PTPRK: variants seen among roughly 807,000 people sequenced by gnomAD.
PTPRK encodes receptor-type tyrosine-protein phosphatase kappa.
In PTPRK, 75 loss-of-function variants were observed where a neutral mutation model predicts 178.0. That is an observed-to-expected ratio of 0.42 (90% CI 0.35 to 0.51). The LOEUF (loss-of-function observed/expected upper bound fraction) is 0.51, where lower values mean the gene tolerates loss of function less well. PTPRK is among the 20% of genes least tolerant of loss of function. The pLI is 0.02. For missense variants in PTPRK, 1,441 were observed against 1,797.8 expected, an observed-to-expected ratio of 0.80 and a Z score of 3.59; for synonymous variants, 637 against 620.6, an observed-to-expected ratio of 1.03 and a Z score of -0.39.
chr6:128,392,729 T>G (rs1353462192), intron 2 of PTPRK, among the ~76,000 whole-genome samples: 1 of 131,280 alleles, frequency 7.6e-6, no homozygotes, highest in Non-Finnish European at 1.6e-5. Flanking sequence ...GATCGGAATT[T>G]GACAAGCAAA....
intron 3 of PTPRK, among the ~76,000 whole-genome samples, chr6:128,299,462 C>A (rs1211766450): frequency 6.6e-6 from 1 of 152,068 alleles, no homozygotes; most frequent in Non-Finnish European, 1.5e-5. Context: ...TGCTACCTGA[C>A]TTCAAACTAT....
chr6:128,126,041 T>C (rs1793312606), intron 7 of PTPRK, among the ~76,000 whole-genome samples: 1 of 152,136 alleles, frequency 6.6e-6, no homozygotes. Flanking sequence ...AGCTAATTTC[T>C]TTTTTTGCTA....
At position 127,983,338 on chromosome 6, in the gene PTPRK, G is replaced by A; in HGVS notation, c.3291C>T (p.Asp1097=). The change falls in exon 23 of 30, where the codon GAC becomes GAT. Residue 1097 remains aspartate, a synonymous_variant. Transcript: ENST00000368226. The part of the protein sequence containing the change: ...AGRTGCYIVI[D]IMLDMAEREG... ...CTCTTTCAGCCATGTCTAGCATGAT[G>A]TCAATCACAATGTAGCAGCCAGTTC... 1.2e-6 allele frequency: 2 copies of A among 1,613,684 alleles called. No individual in the cohort carries two copies. The highest frequency in any genetic ancestry group is 1.7e-6 in the Non-Finnish European group (2 of 1,179,712).
chr6:127,996,288 T>G (rs1206028233), intron 17 of PTPRK, among the ~76,000 whole-genome samples: 2 of 152,116 alleles, frequency 1.3e-5, no homozygotes, highest in Non-Finnish European at 2.9e-5. Flanking sequence ...AATTTATAAC[T>G]GAAAAGATCT....
intron 1 of PTPRK, among the ~76,000 whole-genome samples, chr6:128,497,778 TG>T (rs147466745): frequency 0.12 from 18,401 of 148,536 alleles, 1,472 homozygotes; most frequent in Non-Finnish European, 0.19. Flanking sequence ...TCAAAAAGGT[TG>T]TTTTTTTTTT....
Position 128,219,044 on chromosome 6 carries a change from CTA to C in PTPRK, c.744_745del (p.His248GlnfsTer16). The C allele has an allele frequency of 6.2e-7, 1 of 1,614,004 alleles. No individual in the cohort carries two copies. The highest frequency in any genetic ancestry group is 8.5e-7 in the Non-Finnish European group (1 of 1,179,862). On this transcript the variant is annotated frameshift_variant, in exon 6 of 30. Coordinates refer to ENST00000368226, the MANE Select transcript of PTPRK (RefSeq NM_002844.4). LOFTEE classifies it high-confidence loss of function. The stretch of plus-strand genomic sequence containing the variant: ...CAATCTGAAGGAAGCGGCAAACCTT[CTA>C]TGATTGATGTTCTTAGTCTGGGCTA...
In PTPRK at chr6:128,167,281, C is replaced by CAA. The variant is rs201876487; in HGVS notation, c.1162+17149_1162+17150dup. ...AGCGTTTGCTGGCAAGCACTCTAAA[C>CAA]AAACAAAATAAATCTTAAACATACA... is the stretch of plus-strand genomic sequence containing the variant. On this transcript the variant is annotated intron_variant, in intron 7 of 29. Transcript: ENST00000368226. Among the ~76,000 whole-genome samples the CAA allele has an allele frequency of 5.3e-3, 800 of 151,804 alleles. 15 individuals carry two copies. The highest frequency in any genetic ancestry group is 0.018 in the African/African-American group (747 of 41,482).
intron 16 of PTPRK, 35 bp from the exon 17 acceptor site, chr6:127,997,023 A>G (rs749701830): frequency 1.7e-5 from 27 of 1,590,196 alleles, no homozygotes; most frequent in South Asian, 1.7e-4. Context: ...GACTGAATTT[A>G]ATTCCTTTTT....
In PTPRK at chr6:127,976,895, T is replaced by C. The variant is rs781736732; in HGVS notation, c.3843+28A>G. 4 of 1,613,418 alleles carry C rather than the reference T, an allele frequency of 2.5e-6. No homozygotes were observed. The South Asian group carries it at 4.4e-5, about 18-fold the overall frequency. The stretch of plus-strand genomic sequence containing the variant: ...ACTACTCTATTAAGTTGTATATAAG[T>C]ACATAAAAGCAATCCATAGCCATTA... On this transcript the variant is annotated intron_variant, in intron 26 of 29. Coordinates refer to ENST00000368226, the MANE Select transcript of PTPRK (RefSeq NM_002844.4).
chr6:128,412,158 G>A (rs1271710102), intron 1 of PTPRK, among the ~76,000 whole-genome samples: 1 of 152,088 alleles, frequency 6.6e-6, no homozygotes, highest in Non-Finnish European at 1.5e-5. Context: ...TAATTTGCTG[G>A]TAAATTAATA....
intron 21 of PTPRK, among the ~76,000 whole-genome samples, chr6:127,989,381 C>T (rs181488077): frequency 2.6e-5 from 3 of 116,770 alleles, no homozygotes; most frequent in East Asian, 2.7e-4. Context: ...CTGTATAATG[C>T]TATTTCAACT....
intron 1 of PTPRK, among the ~76,000 whole-genome samples, chr6:128,502,134 A>G (rs1196351822): frequency 5.3e-5 from 8 of 152,208 alleles, no homozygotes; most frequent in Non-Finnish European, 1.2e-4. Context: ...GTATTTGGGA[A>G]AGATGGTGTT....
At chr6:128,316,800 C>T (rs1400002114) in intron 3 of PTPRK, among the ~76,000 whole-genome samples, 1 of 150,714 alleles carries the variant, frequency 6.6e-6, no homozygotes, top group African/African-American at 2.4e-5. Context: ...TCACTGCAAC[C>T]TCCGCCTCCT....
At chr6:128,221,872 C>T (rs1242779428) in intron 5 of PTPRK, among the ~76,000 whole-genome samples, 4 of 152,032 alleles carry the variant, frequency 2.6e-5, no homozygotes, top group Admixed American at 2.6e-4. Context: ...CCCTACAAAC[C>T]ACATAAACCA....
At chr6:128,005,966 G>C in intron 14 of PTPRK, 3 of 1,292,026 alleles carry the variant, frequency 2.3e-6, no homozygotes, top group South Asian at 3.4e-5. Flanking sequence ...TTTTGTTTTT[G>C]AAAAGGGATA....
chr6:128,352,797 T>C (rs1584313052), intron 2 of PTPRK, among the ~76,000 whole-genome samples: 1 of 152,334 alleles, frequency 6.6e-6, no homozygotes, highest in Non-Finnish European at 1.5e-5. Context: ...GCAAATAGTC[T>C]TCACTTTGCT....
At chr6:128,237,154 T>C (rs1327431196) in intron 5 of PTPRK, among the ~76,000 whole-genome samples, 1 of 152,206 alleles carries the variant, frequency 6.6e-6, no homozygotes, top group African/African-American at 2.4e-5. Flanking sequence ...CATTTTTCCT[T>C]TGAAATAGAA....
chr6:128,451,066 T>C (rs991505444), intron 1 of PTPRK, among the ~76,000 whole-genome samples: 1 of 152,148 alleles, frequency 6.6e-6, no homozygotes, highest in African/African-American at 2.4e-5. Flanking sequence ...CTGTTGCCAA[T>C]GACAAAATTT....
Position 128,520,352 on chromosome 6 carries a change from T to C in PTPRK, c.7A>G (p.Thr3Ala). The C allele has an allele frequency of 1.2e-6, 2 of 1,606,902 alleles. No individual in the cohort carries two copies. Among genetic ancestry groups the C allele is most frequent in the Non-Finnish European group, 1.7e-6 (2 of 1,176,546 alleles). MD[T>A]TAAAALPAFV... The stretch of plus-strand genomic sequence containing the variant: ...GCAGGCAGCGCCGCCGCCGCAGTCG[T>C]ATCCATGCCGAGTTTGGGAGAAGTT... The change falls in exon 1 of 30, where the codon ACG becomes GCG. Residue 3 changes from threonine (T) to alanine (A), a missense_variant. Physicochemically the swap from Thr to Ala is moderately conservative, Grantham distance 58. This residue lies in a region of PTPRK where 158 missense variants were observed against 188.0 expected (regional missense o/e 0.84). Coordinates refer to ENST00000368226, the MANE Select transcript of PTPRK (RefSeq NM_002844.4).
Sources: gnomAD v4.1 joint callset for allele counts (sites outside exome capture counted in the v4.1 genomes callset) on GRCh38, gnomAD v4.1.1 for gene constraint, gnomAD v4.1.1 regional missense constraint, MANE v1.5 for transcripts, NCBI Gene and HGNC (gene_info 2026-07-23, HGNC 2026-07-21) for gene names.